Variants in GLIS3 observed in about 807,000 individuals in gnomAD.
The protein encoded by GLIS3 is zinc finger protein GLIS3.
GLIS3 carries 53 observed loss-of-function variants against 78.6 expected under a neutral mutation model. That is an observed-to-expected ratio of 0.67 (90% CI 0.54 to 0.85). The LOEUF (loss-of-function observed/expected upper bound fraction) is 0.85, where lower values mean the gene tolerates loss of function less well. Ranked by LOEUF, GLIS3 falls within the 40% of genes least tolerant of loss-of-function variation. The pLI is 0.00. For synonymous variants in GLIS3, 684 were observed against 509.9 expected (o/e 1.34, Z -4.60); for missense variants, 1,703 against 1,231.1 (o/e 1.38, Z -5.74).
chr9:4,283,164 C>A lies in GLIS3; in HGVS notation c.388+2874G>T, dbSNP rs150496214. Among the ~76,000 whole-genome samples, 519 of 152,166 alleles carry A rather than the reference C, an allele frequency of 3.4e-3. 1 individual carries two copies. The highest frequency in any genetic ancestry group is 0.021 in the Middle Eastern group (6 of 292). ...ATTGCAAAGCTAGCTCTTTACCTTC[C>A]AAGTATCTGCCTATATAGCACAGGC... On this transcript the variant is annotated intron_variant, in intron 2 of 10. Coordinates refer to ENST00000381971, the MANE Select transcript of GLIS3 (RefSeq NM_001042413.2).
chr9:4,327,459 T>C (rs183415982), intron 2 of GLIS3, among the ~76,000 whole-genome samples: 2 of 151,412 alleles, frequency 1.3e-5, no homozygotes, highest in Admixed American at 1.3e-4. Context: ...TGAAGGAGGG[T>C]GGAGGGTGCA....
At chr9:4,143,564 CAA>C (rs57238941) in intron 2 of GLIS3, among the ~76,000 whole-genome samples, 57,965 of 142,710 alleles carry the variant, frequency 0.41, 11,368 homozygotes, top group South Asian at 0.45. Context: ...AAGACTGTCT[CAA>C]AAAAAAAAAT....
chr9:4,444,173 A>T, the GLIS3 span, among the ~76,000 whole-genome samples: 3 of 152,212 alleles, frequency 2.0e-5, no homozygotes, highest in Non-Finnish European at 4.4e-5. Context: ...TTTTCATTCA[A>T]TTCAGACTGC....
At chr9:4,208,092 G>A (rs573034421) in intron 2 of GLIS3, among the ~76,000 whole-genome samples, 62 of 152,308 alleles carry the variant, frequency 4.1e-4, no homozygotes, top group African/African-American at 1.5e-3. Flanking sequence ...GCCAAGAGCA[G>A]GCCTAACCAG....
intron 2 of GLIS3, among the ~76,000 whole-genome samples, chr9:4,257,395 G>A (rs113173933): frequency 3.9e-5 from 6 of 152,236 alleles, no homozygotes; most frequent in Non-Finnish European, 5.9e-5. Context: ...CAAGTCTAGA[G>A]TCTAACATAC....
chr9:4,196,788 C>T (rs1015755684), intron 2 of GLIS3, among the ~76,000 whole-genome samples: 1 of 152,206 alleles, frequency 6.6e-6, no homozygotes, highest in African/African-American at 2.4e-5. Flanking sequence ...AAGAACCCCC[C>T]AATTTCGGAC....
At chr9:3,841,846 A>G (rs1818738340) in intron 9 of GLIS3, among the ~76,000 whole-genome samples, 1 of 152,192 alleles carries the variant, frequency 6.6e-6, no homozygotes, top group South Asian at 2.1e-4. Flanking sequence ...CTGCTGTCTC[A>G]TTATAAGCCT....
At chr9:3,843,221 C>T (rs545113652) in intron 9 of GLIS3, among the ~76,000 whole-genome samples, 9 of 152,298 alleles carry the variant, frequency 5.9e-5, no homozygotes, top group African/African-American at 1.9e-4. Context: ...TTTGCTTCTT[C>T]GAATCCGAGT....
intron 2 of GLIS3, among the ~76,000 whole-genome samples, chr9:4,339,453 A>G (rs1243539472): frequency 6.6e-6 from 1 of 151,966 alleles, no homozygotes; most frequent in East Asian, 1.9e-4. Context: ...ATTTATATAG[A>G]CGTTCAAACT....
chr9:4,471,440 G>A, the GLIS3 span, among the ~76,000 whole-genome samples: 1 of 152,088 alleles, frequency 6.6e-6, no homozygotes, highest in Non-Finnish European at 1.5e-5. Flanking sequence ...AGAGCCCTCA[G>A]AAATAATACC....
intron 2 of GLIS3, among the ~76,000 whole-genome samples, chr9:4,321,244 C>T (rs1417581074): frequency 1.5e-5 from 2 of 137,698 alleles, no homozygotes; most frequent in East Asian, 4.3e-4. Flanking sequence ...CACGGTGAAA[C>T]CCCGTCTCTA....
the GLIS3 span, among the ~76,000 whole-genome samples, chr9:4,468,339 T>A: frequency 3.9e-5 from 6 of 152,286 alleles, no homozygotes; most frequent in Non-Finnish European, 8.8e-5. Context: ...ATTGTCAGAT[T>A]CACCAAGGTT....
At chr9:3,884,483 A>C (rs556623104) in intron 7 of GLIS3, among the ~76,000 whole-genome samples, 2 of 152,202 alleles carry the variant, frequency 1.3e-5, no homozygotes, top group African/African-American at 4.8e-5. Flanking sequence ...TTTAATGTGC[A>C]AATAAATCAT....
At chr9:3,936,851 G>A (rs1223679118) in intron 5 of GLIS3, among the ~76,000 whole-genome samples, 177 bp downstream of exon 5, 1 of 152,168 alleles carries the variant, frequency 6.6e-6, no homozygotes, top group African/African-American at 2.4e-5. Context: ...ACAGAAAAAT[G>A]AAACAGCCAA....
chr9:4,205,095 G>C (rs1046409493), intron 2 of GLIS3, among the ~76,000 whole-genome samples: 5 of 148,106 alleles, frequency 3.4e-5, no homozygotes, highest in African/African-American at 1.2e-4. Context: ...AGAATTACTT[G>C]AACCCAGGAG....
the GLIS3 span, among the ~76,000 whole-genome samples, chr9:4,417,717 G>A: frequency 6.6e-6 from 1 of 152,146 alleles, no homozygotes; most frequent in Non-Finnish European, 1.5e-5. Context: ...GTCATCTAAT[G>A]TTACATTCTC....
intron 4 of GLIS3, among the ~76,000 whole-genome samples, chr9:3,961,188 TCA>T (rs1817524780): frequency 6.6e-6 from 1 of 152,152 alleles, no homozygotes; most frequent in Non-Finnish European, 1.5e-5. Context: ...AGTAAATGGC[TCA>T]TGAGAACCCG....
At chr9:3,852,795 G>C (rs565076144) in intron 9 of GLIS3, among the ~76,000 whole-genome samples, 6 of 152,260 alleles carry the variant, frequency 3.9e-5, no homozygotes, top group Admixed American at 3.3e-4. Flanking sequence ...ACAGTCACTG[G>C]CCCATCTTCC....
intron 9 of GLIS3, among the ~76,000 whole-genome samples, chr9:3,849,926 C>T (rs1473531609): frequency 6.6e-6 from 1 of 151,094 alleles, no homozygotes; most frequent in African/African-American, 2.5e-5. Flanking sequence ...AAAAAGACAT[C>T]TTGTCATGAG....
Sources: gnomAD v4.1 joint callset for allele counts (sites outside exome capture counted in the v4.1 genomes callset) on GRCh38, gnomAD v4.1.1 for gene constraint, MANE v1.5 for transcripts, NCBI Gene and HGNC (gene_info 2026-07-23, HGNC 2026-07-21) for gene names.